Variants in LDB2 observed in about 807,000 individuals in gnomAD.
The protein encoded by LDB2 is LIM domain-binding protein 2.
A neutral mutation model predicts 44.3 loss-of-function variants in LDB2; 12 were observed. The observed-to-expected ratio is 0.27, with a 90% CI of 0.17 to 0.44. The LOEUF (loss-of-function observed/expected upper bound fraction) is 0.44. Ranked by LOEUF, LDB2 falls within the 20% of genes least tolerant of loss-of-function variation. The pLI, the probability that LDB2 is intolerant of heterozygous loss-of-function variation, is 1.00. For synonymous variants in LDB2, 164 were observed against 174.8 expected (o/e 0.94, Z 0.49); for missense variants, 344 against 473.5 (o/e 0.73, Z 2.54).
At chr4:16,517,233 T>G (rs1221813415) in intron 5 of LDB2, among the ~76,000 whole-genome samples, 1 of 152,122 alleles carries the variant, frequency 6.6e-6, no homozygotes, top group Non-Finnish European at 1.5e-5. Context: ...TTCTGGTGGT[T>G]GTTGAATCCT....
chr4:16,871,987 A>C (rs1207445492), intron 1 of LDB2, among the ~76,000 whole-genome samples: 1 of 152,224 alleles, frequency 6.6e-6, no homozygotes, highest in Non-Finnish European at 1.5e-5. Flanking sequence ...AGAGTTCAGC[A>C]GAAATCAATG....
chr4:16,699,283 C>T (rs1752887736), intron 2 of LDB2, among the ~76,000 whole-genome samples: 2 of 152,202 alleles, frequency 1.3e-5, no homozygotes, highest in Admixed American at 1.3e-4. Context: ...AAGATTCTGC[C>T]ATTCCTTTTT....
At chr4:16,706,579 G>C (rs1043179108) in intron 2 of LDB2, among the ~76,000 whole-genome samples, 9 of 152,314 alleles carry the variant, frequency 5.9e-5, no homozygotes, top group South Asian at 4.1e-4. Flanking sequence ...TCATGATTCT[G>C]GGTGTTAAGT....
chr4:16,578,996 C>A (rs1713077672), intron 5 of LDB2, among the ~76,000 whole-genome samples: 1 of 152,082 alleles, frequency 6.6e-6, no homozygotes, highest in African/African-American at 2.4e-5. Flanking sequence ...AAAATTAAAA[C>A]AAATGAACTG....
intron 2 of LDB2, among the ~76,000 whole-genome samples, chr4:16,668,538 C>T (rs1319933201): frequency 6.6e-6 from 1 of 152,194 alleles, no homozygotes; most frequent in African/African-American, 2.4e-5. Flanking sequence ...AAGGCCACTA[C>T]ACTTTGGTTT....
intron 5 of LDB2, among the ~76,000 whole-genome samples, chr4:16,530,240 C>G (rs980046279): frequency 1.3e-5 from 2 of 152,186 alleles, no homozygotes; most frequent in African/African-American, 4.8e-5. Context: ...TGGTGTCAGC[C>G]TTGAAATTGT....
intron 1 of LDB2, among the ~76,000 whole-genome samples, chr4:16,883,691 C>T (rs895556745): frequency 6.6e-6 from 1 of 152,220 alleles, no homozygotes; most frequent in Non-Finnish European, 1.5e-5. Context: ...CTCCCTGCCA[C>T]ATCACCGTGG....
At chr4:16,567,563 G>T (rs1043281978) in intron 5 of LDB2, among the ~76,000 whole-genome samples, 1 of 152,186 alleles carries the variant, frequency 6.6e-6, no homozygotes, top group Non-Finnish European at 1.5e-5. Context: ...AAGGTCAGGA[G>T]ATCGAAACCA....
chr4:16,824,225 G>C (rs879375778), intron 1 of LDB2, among the ~76,000 whole-genome samples: 5 of 151,728 alleles, frequency 3.3e-5, no homozygotes, highest in Admixed American at 6.5e-5. Flanking sequence ...GTGTGTATGT[G>C]TGTGTGTGTG....
chr4:16,619,416 A>T (rs1728244925), intron 2 of LDB2, among the ~76,000 whole-genome samples: 1 of 152,194 alleles, frequency 6.6e-6, no homozygotes, highest in South Asian at 2.1e-4. Context: ...ATGTGGTAAG[A>T]TAATTTTGGA....
In LDB2 at chr4:16,502,220, A is replaced by ATAT. The variant is rs1449102990; in HGVS notation, c.*420_*422dup. The ATAT allele has an allele frequency of 1.3e-5, 2 of 156,520 alleles. No homozygotes were observed. Among genetic ancestry groups the ATAT allele is most frequent in the African/African-American group, 4.8e-5 (2 of 41,592 alleles). The allele number at this position is 156,520 out of a possible 1,614,324, so 9.7% of individuals were successfully genotyped here. ...TCAGATGCAAGTCAAAAAGCAGAAAATATTTTACAATATTAAAAAGTCATC... is the reference window on the plus strand; with the variant it reads ...TCAGATGCAAGTCAAAAAGCAGAAAATATTATTTTACAATATTAAAAAGTCATC... On this transcript the variant is annotated 3_prime_UTR_variant, in exon 8 of 8. Coordinates refer to ENST00000304523, the MANE Select transcript of LDB2 (RefSeq NM_001290.5).
At chr4:16,781,147 T>C (rs1236579944) in intron 1 of LDB2, among the ~76,000 whole-genome samples, 1 of 152,126 alleles carries the variant, frequency 6.6e-6, no homozygotes, top group African/African-American at 2.4e-5. Context: ...CCAACTGTGA[T>C]TTGGAGGGAA....
chr4:16,797,634 G>GATA (rs755593126), intron 1 of LDB2, among the ~76,000 whole-genome samples: 13 of 152,046 alleles, frequency 8.6e-5, no homozygotes, highest in Non-Finnish European at 1.6e-4. Flanking sequence ...AGTTAGGAAT[G>GATA]ATAATAATAA....
chr4:16,845,928 A>G (rs1786881464), intron 1 of LDB2, among the ~76,000 whole-genome samples: 1 of 151,886 alleles, frequency 6.6e-6, no homozygotes, highest in Non-Finnish European at 1.5e-5. Flanking sequence ...GCCAACATGG[A>G]GAAACCCCAT....
chr4:16,698,392 G>A (rs1752675183), intron 2 of LDB2, among the ~76,000 whole-genome samples: 1 of 152,112 alleles, frequency 6.6e-6, no homozygotes, highest in African/African-American at 2.4e-5. Flanking sequence ...TGCACACCCA[G>A]CAGTAGTGTA....
intron 1 of LDB2, among the ~76,000 whole-genome samples, chr4:16,779,215 C>T (rs902336851): frequency 3.3e-5 from 5 of 152,274 alleles, no homozygotes; most frequent in Non-Finnish European, 7.4e-5. Context: ...GACGCCTCAC[C>T]GCTGCTCAGA....
At chr4:16,503,494 TAA>T (rs1453870030) in intron 7 of LDB2, among the ~76,000 whole-genome samples, 2 of 152,328 alleles carry the variant, frequency 1.3e-5, no homozygotes, top group East Asian at 3.9e-4. Flanking sequence ...TTAATTTAGG[TAA>T]AGTTTTCGAT....
At chr4:16,670,571 TAAAA>T (rs1160481264) in intron 2 of LDB2, among the ~76,000 whole-genome samples, 1 of 152,168 alleles carries the variant, frequency 6.6e-6, no homozygotes, top group East Asian at 1.9e-4. Flanking sequence ...ATTAAATAAA[TAAAA>T]ACAGAGTCAA....
At chr4:16,671,117 A>C (rs906289829) in intron 2 of LDB2, among the ~76,000 whole-genome samples, 2 of 125,472 alleles carry the variant, frequency 1.6e-5, no homozygotes, top group East Asian at 4.1e-4. Flanking sequence ...ACAAAAAAAA[A>C]AAACAAAAAA....
Sources: allele counts gnomAD v4.1 joint callset (sites outside exome capture counted in the v4.1 genomes callset), GRCh38; gene constraint gnomAD v4.1.1; transcripts MANE v1.5; gene names NCBI Gene and HGNC (gene_info 2026-07-23, HGNC 2026-07-21).